The following CTDSPL variants were observed in gnomAD, a reference collection of about 807,000 sequenced individuals.
CTDSPL encodes CTD small phosphatase-like protein.
CTDSPL carries 8 observed loss-of-function variants against 30.5 expected under a neutral mutation model. That is an observed-to-expected ratio of 0.26 (90% confidence interval 0.15 to 0.47). CTDSPL has a LOEUF of 0.47. Among genes scored for constraint, CTDSPL ranks in the 20% least tolerant of loss-of-function variants. The pLI, the probability that CTDSPL is intolerant of heterozygous loss-of-function variation, is 0.99. For synonymous variants in CTDSPL, 110 were observed against 137.9 expected (o/e 0.80, Z 1.42); for missense variants, 248 against 366.1 (o/e 0.68, Z 2.63).
intron 1 of CTDSPL, among the ~76,000 whole-genome samples, chr3:37,883,585 G>A (rs1452960704): frequency 6.6e-6 from 1 of 152,176 alleles, no homozygotes; most frequent in Non-Finnish European, 1.5e-5. Flanking sequence ...TCCTTGTGAG[G>A]TCTTGGTATC....
chr3:37,894,886 T>G (rs1029887737), intron 1 of CTDSPL, among the ~76,000 whole-genome samples: 1 of 152,204 alleles, frequency 6.6e-6, no homozygotes, highest in South Asian at 2.1e-4. Context: ...ATATTTTAAA[T>G]TCTAGAACTT....
intron 1 of CTDSPL, among the ~76,000 whole-genome samples, chr3:37,878,951 T>A (rs1241672918): frequency 6.6e-6 from 1 of 152,186 alleles, no homozygotes; most frequent in Non-Finnish European, 1.5e-5. Flanking sequence ...GAGTTGCATG[T>A]CACTAAAACA....
At chr3:37,941,128 G>T (rs1698972660) in intron 1 of CTDSPL, among the ~76,000 whole-genome samples, 1 of 150,458 alleles carries the variant, frequency 6.6e-6, no homozygotes, top group Non-Finnish European at 1.5e-5. Flanking sequence ...GGCCTAGGCA[G>T]AAGCATTAGC....
intron 1 of CTDSPL, among the ~76,000 whole-genome samples, chr3:37,915,902 T>C (rs963372256): frequency 5.3e-5 from 8 of 152,246 alleles, no homozygotes; most frequent in Non-Finnish European, 8.8e-5. Context: ...TGATGTTATC[T>C]TTCCTTAGGG....
chr3:37,977,896 CA>C (rs1384083001), intron 7 of CTDSPL, among the ~76,000 whole-genome samples: 3 of 150,394 alleles, frequency 2.0e-5, no homozygotes, highest in Admixed American at 2.0e-4. Context: ...GACCCTATCC[CA>C]AAAAAAAGAA....
At chr3:37,964,829 A>G (rs892602411) in intron 4 of CTDSPL, among the ~76,000 whole-genome samples, 157 bp downstream of exon 4, 1 of 152,252 alleles carries the variant, frequency 6.6e-6, no homozygotes, top group Non-Finnish European at 1.5e-5. Flanking sequence ...CCAGGTGAAC[A>G]TTAACTAAAG....
At chr3:37,934,746 C>T (rs1009796219) in intron 1 of CTDSPL, among the ~76,000 whole-genome samples, 10 of 152,168 alleles carry the variant, frequency 6.6e-5, no homozygotes, top group South Asian at 2.1e-4. Flanking sequence ...GGGAAAGTGG[C>T]GCTCTTTGAG....
At chr3:37,934,295 C>T (rs956237341) in intron 1 of CTDSPL, among the ~76,000 whole-genome samples, 4 of 151,538 alleles carry the variant, frequency 2.6e-5, no homozygotes, top group Non-Finnish European at 5.9e-5. Context: ...CCACACACTC[C>T]AGCCTGGGCA....
intron 1 of CTDSPL, among the ~76,000 whole-genome samples, chr3:37,928,665 T>C (rs1460953319): frequency 6.6e-6 from 1 of 152,180 alleles, no homozygotes; most frequent in Non-Finnish European, 1.5e-5. Flanking sequence ...GTAAGGGTTC[T>C]TTATATTTTT....
chr3:37,948,609 G>T (rs7372246), intron 2 of CTDSPL, among the ~76,000 whole-genome samples: 42,969 of 152,116 alleles, frequency 0.28, 7,859 homozygotes, highest in Non-Finnish European at 0.39. Flanking sequence ...CTTCTGCAAG[G>T]CTGAGAACAC....
At chr3:37,875,492 G>GT (rs1165111917) in intron 1 of CTDSPL, among the ~76,000 whole-genome samples, 1 of 152,212 alleles carries the variant, frequency 6.6e-6, no homozygotes, top group Non-Finnish European at 1.5e-5. Flanking sequence ...AGCTTTCAGT[G>GT]TTTCAGGCTG....
intron 1 of CTDSPL, among the ~76,000 whole-genome samples, chr3:37,931,616 A>G (rs1449868047): frequency 6.6e-6 from 1 of 151,674 alleles, no homozygotes; most frequent in African/African-American, 2.4e-5. Flanking sequence ...TTTGTGGTTC[A>G]TTAATTTTTT....
intron 6 of CTDSPL, 25 bp downstream of exon 6, chr3:37,971,524 A>C: frequency 3.7e-6 from 6 of 1,602,464 alleles, no homozygotes; most frequent in Non-Finnish European, 5.1e-6. Context: ...CCAGCCCCAC[A>C]CTCCCAGCCT....
intron 1 of CTDSPL, among the ~76,000 whole-genome samples, chr3:37,922,154 G>A (rs2125610862): frequency 6.6e-6 from 1 of 152,038 alleles, no homozygotes; most frequent in Non-Finnish European, 1.5e-5. Flanking sequence ...AGAATCACTT[G>A]AACCTGGGAG....
At chr3:37,921,731 GGTAAGGGGCCAGACCACCT>G (rs1698718982) in intron 1 of CTDSPL, among the ~76,000 whole-genome samples, 1 of 152,150 alleles carries the variant, frequency 6.6e-6, no homozygotes, top group African/African-American at 2.4e-5. Flanking sequence ...TCATCCCTGT[GGTAAGGGGCCAGACCACCT>G]GTAAGGAAGT....
chr3:37,967,926 A>C, intron 5 of CTDSPL, 44 bp downstream of exon 5: 1 of 1,302,522 alleles, frequency 7.7e-7, no homozygotes, highest in South Asian at 1.3e-5. Flanking sequence ...AAGATTTTTT[A>C]GTACTTACAT....
At chr3:37,920,744 C>T (rs1698702720) in intron 1 of CTDSPL, among the ~76,000 whole-genome samples, 1 of 152,254 alleles carries the variant, frequency 6.6e-6, no homozygotes, top group African/African-American at 2.4e-5. Context: ...CTTCCACCTT[C>T]ACCCATAGTA....
intron 1 of CTDSPL, among the ~76,000 whole-genome samples, chr3:37,937,539 C>T (rs986800322): frequency 1.3e-5 from 2 of 150,524 alleles, no homozygotes; most frequent in Admixed American, 1.3e-4. Flanking sequence ...GCTGGGCTAC[C>T]CAGTCTTGGA....
rs1328128417 is a variant in CTDSPL, at chr3:37,941,796, T to TG, written c.80-5256dup. 2.0e-5 allele frequency among the ~76,000 whole-genome samples: 3 copies of TG among 150,412 alleles called. 1 individual carries two copies. Among genetic ancestry groups the TG allele is most frequent in the Non-Finnish European group, 4.5e-5 (3 of 67,054 alleles). ...AAAATGGCAGCATGTTGTAGCCTAT[T>TG]GGGGGACCCGGCAGGGGAGACTGCT... On this transcript the variant is annotated intron_variant, in intron 1 of 7. Transcript: ENST00000273179.
Sources: allele counts gnomAD v4.1 joint callset (sites outside exome capture counted in the v4.1 genomes callset), GRCh38; gene constraint gnomAD v4.1.1; transcripts MANE v1.5; gene names NCBI Gene and HGNC (gene_info 2026-07-23, HGNC 2026-07-21).